SLC25A44: variants seen among roughly 807,000 people sequenced by gnomAD.
SLC25A44 encodes the protein solute carrier family 25, member 44.
A neutral mutation model predicts 29.9 loss-of-function variants in SLC25A44; 17 were observed. The ratio of observed to expected loss-of-function variants is 0.57; its 90% CI spans 0.39 to 0.85. The LOEUF is 0.85. Ranked by LOEUF, SLC25A44 falls within the 40% of genes least tolerant of loss-of-function variation. The probability of loss-of-function intolerance (pLI) is 0.00; values close to 1 mark genes in which losing one functional copy is unlikely to be tolerated. For synonymous variants in SLC25A44, 140 were observed against 151.8 expected, an observed-to-expected ratio of 0.92 and a Z score of 0.57; for missense variants, 302 against 398.4, an observed-to-expected ratio of 0.76 and a Z score of 2.06.
intron 1 of SLC25A44, among the ~76,000 whole-genome samples, chr1:156,194,856 T>C (rs1353974342): frequency 6.6e-6 from 1 of 152,110 alleles, no homozygotes; most frequent in African/African-American, 2.4e-5. Context: ...TTGTAGAAGA[T>C]GATTTGATTT....
chr1:156,210,248 C>A lies in SLC25A44; in HGVS notation c.762C>A (p.Gly254=). The change falls in exon 4 of 4, where the codon GGC becomes GGA. Residue 254 remains glycine, a synonymous_variant. Transcript: ENST00000359511. ...DVIRTRVQVE[G]KNSIILTFRQ... is the part of the protein sequence containing the mutation. Reference sequence around the variant, plus strand: ...TGTGTTGACTTTTCCAGGTTGAGGGCAAGAACTCCATCATCCTGACCTTCA... The same window carrying A: ...TGTGTTGACTTTTCCAGGTTGAGGGAAAGAACTCCATCATCCTGACCTTCA... 1 of 1,543,752 alleles carries A rather than the reference C, an allele frequency of 6.5e-7. No individual in the cohort carries two copies. The highest frequency in any genetic ancestry group is 8.7e-7 in the Non-Finnish European group (1 of 1,143,984).
intron 2 of SLC25A44, among the ~76,000 whole-genome samples, chr1:156,207,209 G>A (rs1207830032): frequency 6.9e-6 from 1 of 144,610 alleles, no homozygotes; most frequent in East Asian, 2.1e-4. Context: ...ACAGAGTCTT[G>A]CTCTGTCGCC....
chr1:156,199,706 T>A, intron 1 of SLC25A44, 129 bp from the exon 2 acceptor site: 1 of 712,750 alleles, frequency 1.4e-6, no homozygotes, highest in East Asian at 2.6e-5. Context: ...TTGGGTGGAG[T>A]CCAAGCTTTG....
intron 2 of SLC25A44, among the ~76,000 whole-genome samples, chr1:156,207,206 C>G (rs1267025205): frequency 3.4e-5 from 5 of 147,372 alleles, no homozygotes; most frequent in Middle Eastern, 7.1e-3. Flanking sequence ...GAGACAGAGT[C>G]TTGCTCTGTC....
intron 2 of SLC25A44, among the ~76,000 whole-genome samples, chr1:156,207,403 TC>T (rs1657019406): frequency 6.6e-6 from 1 of 152,070 alleles, no homozygotes; most frequent in Non-Finnish European, 1.5e-5. Flanking sequence ...ATGGTCTTGA[TC>T]TCCTGACCTC....
chr1:156,197,422 T>C (rs1272547689), intron 1 of SLC25A44: 1 of 152,184 alleles, frequency 6.6e-6, no homozygotes, highest in Non-Finnish European at 1.5e-5. Flanking sequence ...CAAGCCATTG[T>C]TCTCTCTCTT....
At chr1:156,202,108 CT>C (rs1344161793) in intron 2 of SLC25A44, among the ~76,000 whole-genome samples, 1 of 152,182 alleles carries the variant, frequency 6.6e-6, no homozygotes, top group Non-Finnish European at 1.5e-5. Context: ...AGACTGAAGT[CT>C]TGGGGATTGT....
intron 1 of SLC25A44, among the ~76,000 whole-genome samples, chr1:156,195,822 G>A (rs1474172889): frequency 6.6e-6 from 1 of 152,222 alleles, no homozygotes; most frequent in Non-Finnish European, 1.5e-5. Context: ...TCTTATCCCA[G>A]AACCTAGTGA....
chr1:156,207,757 A>G, intron 2 of SLC25A44, 129 bp from the exon 3 acceptor site: 4 of 872,506 alleles, frequency 4.6e-6, no homozygotes, highest in Non-Finnish European at 7.0e-6. Flanking sequence ...AATAAAAGAT[A>G]GGACTTAGGT....
chr1:156,203,662 T>G, intron 2 of SLC25A44, among the ~76,000 whole-genome samples: 1 of 139,674 alleles, frequency 7.2e-6, no homozygotes, highest in South Asian at 2.6e-4. Context: ...GTGGAGTCCC[T>G]CCCTCCCTCC....
chr1:156,203,775 C>T (rs1192539691), intron 2 of SLC25A44, among the ~76,000 whole-genome samples: 1 of 145,436 alleles, frequency 6.9e-6, no homozygotes, highest in Non-Finnish European at 1.5e-5. Flanking sequence ...GCGATCTCGG[C>T]TCACTGCAAG....
chr1:156,208,626 T>C (rs916094390), intron 3 of SLC25A44, among the ~76,000 whole-genome samples: 1 of 152,242 alleles, frequency 6.6e-6, no homozygotes, highest in African/African-American at 2.4e-5. Context: ...TCCTATTCCA[T>C]AGCCTATTAG....
chr1:156,209,612 G>A (rs985768003), intron 3 of SLC25A44, among the ~76,000 whole-genome samples: 14 of 152,142 alleles, frequency 9.2e-5, no homozygotes, highest in African/African-American at 2.7e-4. Context: ...AGTGATTTCT[G>A]CTTGGCCAGG....
In SLC25A44 at chr1:156,212,302, G is replaced by A. The variant is rs1373679336; in HGVS notation, c.*1871G>A. On this transcript the variant is annotated 3_prime_UTR_variant, in exon 4 of 4. Transcript: ENST00000359511. ...TAGTCCTTCCCCGCCATGGCACAGT[G>A]GGGAAGGTGTCAATGGGGAGTGTCA... The A allele has an allele frequency of 6.6e-6, 1 of 152,338 alleles. No homozygotes were observed. The highest frequency in any genetic ancestry group is 2.4e-5 in the African/African-American group (1 of 41,442). 9.4% of individuals were successfully genotyped at this position (152,338 alleles called of 1,614,324 possible). A position where few individuals can be genotyped will look rare whatever the true frequency, so the allele number is the denominator to read the frequency against.
At chr1:156,201,932 G>C (rs1451889844) in intron 2 of SLC25A44, among the ~76,000 whole-genome samples, 1 of 152,136 alleles carries the variant, frequency 6.6e-6, no homozygotes, top group Non-Finnish European at 1.5e-5. Flanking sequence ...TCTCAGACTA[G>C]CCTGTCGAGA....
intron 2 of SLC25A44, among the ~76,000 whole-genome samples, chr1:156,201,583 G>C (rs1572454201): frequency 6.6e-6 from 1 of 152,074 alleles, no homozygotes; most frequent in East Asian, 1.9e-4. Context: ...TCTGATTATT[G>C]CTTCTTTCTT....
Position 156,200,014 on chromosome 1 carries a change from G to C in SLC25A44, c.167G>C (p.Gly56Ala), listed in dbSNP as rs1656456235. The change falls in exon 2 of 4, where the codon GGG becomes GCG. Residue 56 changes from glycine (G) to alanine (A), a missense_variant. Gly to Ala is a moderately conservative substitution (Grantham distance 60, BLOSUM62 0). Transcript: ENST00000359511. ...QVQKGKSLYHGTFDAFIKILR... is the reference protein window; with the variant it reads ...QVQKGKSLYHATFDAFIKILR... ...CAGAAGGGGAAGAGCCTCTACCATGGGACCTTCGATGCCTTCATCAAGATC... is the reference window on the plus strand; with the variant it reads ...CAGAAGGGGAAGAGCCTCTACCATGCGACCTTCGATGCCTTCATCAAGATC... 6.2e-7 allele frequency: 1 copy of C among 1,614,148 alleles called. No individual in the cohort carries two copies. Among genetic ancestry groups the C allele is most frequent in the South Asian group, 1.1e-5 (1 of 91,072 alleles).
chr1:156,202,423 C>T (rs563244206), intron 2 of SLC25A44, among the ~76,000 whole-genome samples: 1 of 152,214 alleles, frequency 6.6e-6, no homozygotes, highest in African/African-American at 2.4e-5. Context: ...AGTGAAATCT[C>T]TTGCTTCTCC....
chr1:156,210,108 T>G (rs1280771171), intron 3 of SLC25A44, 132 bp from the exon 4 acceptor site: 2 of 617,484 alleles, frequency 3.2e-6, no homozygotes, highest in Middle Eastern at 4.5e-4. Context: ...TGCTGTACCA[T>G]CCCTCACAAG....
Sources: allele counts gnomAD v4.1 joint callset (sites outside exome capture counted in the v4.1 genomes callset), GRCh38; gene constraint gnomAD v4.1.1; transcripts MANE v1.5; gene names NCBI Gene and HGNC (gene_info 2026-07-23, HGNC 2026-07-21).